The following DNAI1 variants were observed in gnomAD, a reference collection of about 807,000 sequenced individuals.
DNAI1 encodes dynein, axonemal, intermediate polypeptide 1.
In DNAI1, 67 loss-of-function variants were observed where a neutral mutation model predicts 92.0. The observed-to-expected ratio is 0.73, with a 90% CI of 0.60 to 0.89. The LOEUF (loss-of-function observed/expected upper bound fraction) is 0.89, where lower values mean the gene tolerates loss of function less well. Among genes scored for constraint, DNAI1 ranks in the 40% least tolerant of loss-of-function variants. The pLI is 0.00. For missense variants in DNAI1, 839 were observed against 866.6 expected, an observed-to-expected ratio of 0.97 and a Z score of 0.40; for synonymous variants, 323 against 319.6, an observed-to-expected ratio of 1.01 and a Z score of -0.11.
chr9:34,492,505 T>G (rs1357305344), intron 8 of DNAI1, among the ~76,000 whole-genome samples: 3,635 of 55,110 alleles, frequency 0.066, 439 homozygotes, highest in African/African-American at 0.2. Context: ...TATATATATA[T>G]ATATATATAT....
intron 9 of DNAI1, 113 bp downstream of exon 9, chr9:34,493,441 A>G: frequency 7.0e-7 from 1 of 1,419,584 alleles, no homozygotes; most frequent in East Asian, 2.3e-5. Flanking sequence ...TAAATCAGGG[A>G]CTAATGTTGA....
intron 2 of DNAI1, 28 bp from the exon 3 acceptor site, chr9:34,485,114 C>A: frequency 6.2e-7 from 1 of 1,612,154 alleles, no homozygotes; most frequent in Non-Finnish European, 8.5e-7. Flanking sequence ...AAAGACACTC[C>A]CAAGCCTCAT....
chr9:34,492,493 G>GATAGATAGATATATATATATAT (rs1554688186), intron 8 of DNAI1, among the ~76,000 whole-genome samples: 1 of 68,258 alleles, frequency 1.5e-5, no homozygotes, highest in Non-Finnish European at 3.1e-5. Flanking sequence ...GGGATATGAA[G>GATAGATAGATATATATATATAT]ATATATATAT....
chr9:34,472,787 A>C (rs1403237093), intron 1 of DNAI1, among the ~76,000 whole-genome samples: 1 of 151,962 alleles, frequency 6.6e-6, no homozygotes, highest in Non-Finnish European at 1.5e-5. Flanking sequence ...CTGTATTCCT[A>C]GCTACTTGGG....
chr9:34,485,195 C>T lies in DNAI1; in HGVS notation c.135C>T (p.Ser45=), dbSNP rs1564031432. 1 of 1,614,194 alleles carries T rather than the reference C, an allele frequency of 6.2e-7. No individual in the cohort carries two copies. ...AAGGCACAGATGAATGGGCCCAATC[C>T]AAAGCCACAGTTAGACCCCCTGACC... ...VGEGTDEWAQ[S]KATVRPPDQL... is the part of the protein sequence containing the mutation. Residue 45 remains serine, a synonymous_variant, in exon 3 of 20, where the codon TCC becomes TCT. Transcript: ENST00000242317.
intron 1 of DNAI1, 42 bp from the exon 2 acceptor site, chr9:34,483,406 A>G (rs757620783): frequency 1.9e-5 from 31 of 1,597,988 alleles, no homozygotes; most frequent in South Asian, 1.4e-4. Context: ...TTCCATGTCA[A>G]TTTGCTTATG....
chr9:34,479,250 A>G (rs990261316), intron 1 of DNAI1, among the ~76,000 whole-genome samples: 5 of 152,164 alleles, frequency 3.3e-5, no homozygotes, highest in Admixed American at 6.6e-5. Flanking sequence ...TTTGAGGGCT[A>G]GGGGAAGAGT....
intron 18 of DNAI1, among the ~76,000 whole-genome samples, chr9:34,515,361 C>G (rs1232473274): frequency 6.6e-6 from 1 of 152,236 alleles, no homozygotes; most frequent in Non-Finnish European, 1.5e-5. Context: ...CTTCCTGGAA[C>G]AGATAACTAC....
chr9:34,485,027 C>A, intron 2 of DNAI1, 115 bp from the exon 3 acceptor site: 1 of 970,932 alleles, frequency 1.0e-6, no homozygotes, highest in Non-Finnish European at 1.7e-6. Context: ...ATTTTGTATT[C>A]TACATACAAG....
chr9:34,520,731 T>C lies in DNAI1; in HGVS notation c.2075T>C (p.Val692Ala). Residue 692 changes from valine to alanine, a missense_variant, in exon 20 of 20, where the codon GTG becomes GCG. Coordinates refer to ENST00000242317, the MANE Select transcript of DNAI1 (RefSeq NM_012144.4). ...IAKLDKLLNL[V>A]REVKIKT Reference sequence around the variant, plus strand: ...AAACTGGACAAACTGCTGAACCTGGTGAGGGAAGTGAAAATCAAGACCTGA... The same window carrying C: ...AAACTGGACAAACTGCTGAACCTGGCGAGGGAAGTGAAAATCAAGACCTGA... 1 of 1,551,616 alleles carries C rather than the reference T, an allele frequency of 6.4e-7. No individual in the cohort carries two copies. The highest frequency in any genetic ancestry group is 1.2e-5 in the South Asian group (1 of 84,052).
At chr9:34,489,609 G>T (rs930490673) in intron 5 of DNAI1, among the ~76,000 whole-genome samples, 160 bp downstream of exon 5, 3 of 152,144 alleles carry the variant, frequency 2.0e-5, no homozygotes, top group African/African-American at 7.2e-5. Flanking sequence ...CAGCACTTTG[G>T]GAGGCTGAGG....
In DNAI1 at chr9:34,520,924, C is replaced by T; in HGVS notation, c.*168C>T. On this transcript the variant is annotated 3_prime_UTR_variant, in exon 20 of 20. Transcript: ENST00000242317. ...AAGGTCCCAGCACCTTACCCCAGGA[C>T]TTGGTCTTCAACCACCATTACCCCT... is the stretch of plus-strand genomic sequence containing the variant. 1.4e-6 allele frequency: 1 copy of T among 720,922 alleles called. No individual in the cohort carries two copies. Among genetic ancestry groups the T allele is most frequent in the Non-Finnish European group, 2.4e-6 (1 of 411,082 alleles). 44.7% of individuals were successfully genotyped at this position (720,922 alleles called of 1,614,324 possible). A position where few individuals can be genotyped will look rare whatever the true frequency, so the allele number is the denominator to read the frequency against.
intron 2 of DNAI1, 24 bp from the exon 3 acceptor site, chr9:34,485,118 G>A (rs748163437): frequency 6.8e-6 from 11 of 1,612,774 alleles, no homozygotes; most frequent in Non-Finnish European, 9.3e-6. Context: ...ACACTCCCAA[G>A]CCTCATGTGA....
chr9:34,481,988 G>A (rs1824369417), intron 1 of DNAI1, among the ~76,000 whole-genome samples: 2 of 152,180 alleles, frequency 1.3e-5, no homozygotes, highest in South Asian at 4.1e-4. Context: ...TGGTAGAGCC[G>A]AGTGGCCTGT....
chr9:34,520,045 G>A (rs1041728324), intron 19 of DNAI1, among the ~76,000 whole-genome samples: 4 of 152,140 alleles, frequency 2.6e-5, no homozygotes, highest in Non-Finnish European at 5.9e-5. Flanking sequence ...CTCAGCCAAC[G>A]ACACCTGGAG....
At chr9:34,484,713 TG>T (rs1422212635) in intron 2 of DNAI1, among the ~76,000 whole-genome samples, 1 of 152,196 alleles carries the variant, frequency 6.6e-6, no homozygotes, top group African/African-American at 2.4e-5. Flanking sequence ...AGGTGGTAGT[TG>T]GGAAGATAAA....
At chr9:34,469,260 C>CTTTTT (rs35082433) in intron 1 of DNAI1, among the ~76,000 whole-genome samples, 5 of 80,188 alleles carry the variant, frequency 6.2e-5, no homozygotes, top group Non-Finnish European at 9.6e-5. Flanking sequence ...AATGGAATGG[C>CTTTTT]TTTTTTTTTT....
chr9:34,472,603 T>G (rs952446237), intron 1 of DNAI1, among the ~76,000 whole-genome samples: 4 of 152,184 alleles, frequency 2.6e-5, no homozygotes, highest in Non-Finnish European at 5.9e-5. Flanking sequence ...TAATGCATAT[T>G]CACATTTAAT....
chr9:34,487,387 A>G (rs1013509615), intron 4 of DNAI1, among the ~76,000 whole-genome samples: 2 of 151,908 alleles, frequency 1.3e-5, no homozygotes, highest in Admixed American at 6.6e-5. Context: ...GGGTTTCACC[A>G]TGTTAGCCAG....
Sources: allele counts gnomAD v4.1 joint callset (sites outside exome capture counted in the v4.1 genomes callset), GRCh38; gene constraint gnomAD v4.1.1; transcripts MANE v1.5; gene names NCBI Gene and HGNC (gene_info 2026-07-23, HGNC 2026-07-21).